IL1RAPL2: variants seen among roughly 807,000 people sequenced by gnomAD.
IL1RAPL2 encodes the protein interleukin 1 receptor accessory protein like 2.
In IL1RAPL2, 3 loss-of-function variants were observed where a neutral mutation model predicts 44.1. The ratio of observed to expected loss-of-function variants is 0.07; its 90% CI spans 0.03 to 0.18. The LOEUF is 0.18. Among genes scored for constraint, IL1RAPL2 ranks in the 10% least tolerant of loss-of-function variants. IL1RAPL2 has a pLI of 1.00. For missense variants in IL1RAPL2, 391 were observed against 496.4 expected (o/e 0.79, Z 2.02); for synonymous variants, 181 against 178.8 (o/e 1.01, Z -0.10).
chrX:105,465,288 AT>A (rs1210082987), intron 5 of IL1RAPL2, among the ~76,000 whole-genome samples: 1 of 111,836 alleles, frequency 8.9e-6, no homozygotes, highest in Non-Finnish European at 1.9e-5. Flanking sequence ...AAAGATATCT[AT>A]GTTTTTCCTC....
intron 2 of IL1RAPL2, among the ~76,000 whole-genome samples, chrX:105,135,447 T>A (rs2033068045): frequency 8.9e-6 from 1 of 112,113 alleles, no homozygotes; most frequent in Non-Finnish European, 1.9e-5. Context: ...ATTCAAGCAT[T>A]TCATTATCCA....
At chrX:104,817,101 G>T (rs1043800652) in intron 2 of IL1RAPL2, among the ~76,000 whole-genome samples, 2 of 112,753 alleles carry the variant, frequency 1.8e-5, no homozygotes, top group African/African-American at 6.4e-5. Context: ...AAAAGTGTAT[G>T]ATCTAATGAA....
At chrX:104,700,343 G>A (rs1931254605) in intron 2 of IL1RAPL2, among the ~76,000 whole-genome samples, 2 of 111,400 alleles carry the variant, frequency 1.8e-5, no homozygotes, top group Admixed American at 1.9e-4. Context: ...ATTTTCAGAG[G>A]ACCTACTTTC....
At chrX:104,922,721 G>A (rs1399639702) in intron 2 of IL1RAPL2, among the ~76,000 whole-genome samples, 1 of 111,278 alleles carries the variant, frequency 9.0e-6, no homozygotes, top group African/African-American at 3.3e-5. Context: ...ACATGAAAAG[G>A]GACCAGTACA....
intron 2 of IL1RAPL2, among the ~76,000 whole-genome samples, chrX:104,701,670 CTAAA>C (rs1931275765): frequency 9.0e-6 from 1 of 111,633 alleles, no homozygotes; most frequent in Admixed American, 9.5e-5. Context: ...GGTCCATTGG[CTAAA>C]TGAATGTGCT....
intron 4 of IL1RAPL2, among the ~76,000 whole-genome samples, chrX:105,263,099 G>C (rs1218406465): frequency 9.1e-6 from 1 of 110,141 alleles, no homozygotes; most frequent in East Asian, 2.9e-4. Context: ...TGATCAGGCT[G>C]GTCTCGAACT....
chrX:105,313,700 C>A (rs2034815277), intron 5 of IL1RAPL2, among the ~76,000 whole-genome samples: 1 of 111,776 alleles, frequency 8.9e-6, no homozygotes, highest in Non-Finnish European at 1.9e-5. Flanking sequence ...GTCTCAATAA[C>A]CTCCTTTTGC....
intron 5 of IL1RAPL2, among the ~76,000 whole-genome samples, chrX:105,369,984 A>G (rs748571970): frequency 8.9e-6 from 1 of 112,140 alleles, no homozygotes; most frequent in Admixed American, 9.5e-5. Context: ...TAAGCAGCTA[A>G]GACTAACATA....
chrX:105,315,609 T>TATATATATA (rs1216258132), intron 5 of IL1RAPL2, among the ~76,000 whole-genome samples: 123 of 69,747 alleles, frequency 1.8e-3, no homozygotes, highest in Non-Finnish European at 2.8e-3. Flanking sequence ...TATGGTTTTA[T>TATATATATA]TAAGTATTAA....
chrX:105,766,799 T>G (rs1477189545), intron 10 of IL1RAPL2, among the ~76,000 whole-genome samples, 165 bp from the exon 11 acceptor site: 1 of 54,533 alleles, frequency 1.8e-5, no homozygotes, highest in Non-Finnish European at 3.0e-5. Context: ...TATAAGCAGT[T>G]TTTTTTTTTT....
At chrX:105,330,303 G>A (rs1311793635) in intron 5 of IL1RAPL2, among the ~76,000 whole-genome samples, 1 of 111,020 alleles carries the variant, frequency 9.0e-6, no homozygotes, top group Non-Finnish European at 1.9e-5. Flanking sequence ...TTTTTAAACT[G>A]CTTTTATGTG....
intron 5 of IL1RAPL2, among the ~76,000 whole-genome samples, chrX:105,419,173 C>A (rs916226845): frequency 8.9e-6 from 1 of 111,827 alleles, no homozygotes; most frequent in African/African-American, 3.2e-5. Flanking sequence ...TGGCCAGCAG[C>A]CACATCTTGA....
chrX:105,252,423 A>G (rs1365466025), intron 4 of IL1RAPL2, among the ~76,000 whole-genome samples: 1 of 111,662 alleles, frequency 9.0e-6, no homozygotes, highest in Non-Finnish European at 1.9e-5. Context: ...CTTTATCAAC[A>G]TGATTTGTTT....
At chrX:105,016,298 C>G (rs1337447035) in intron 2 of IL1RAPL2, among the ~76,000 whole-genome samples, 1 of 111,020 alleles carries the variant, frequency 9.0e-6, no homozygotes, top group African/African-American at 3.3e-5. Flanking sequence ...GATTGAATAC[C>G]CTTTATTTCT....
chrX:105,552,105 C>CAA (rs34788343), intron 6 of IL1RAPL2, among the ~76,000 whole-genome samples: 13 of 67,413 alleles, frequency 1.9e-4, no homozygotes, highest in African/African-American at 5.0e-4. Context: ...GACTCCATTT[C>CAA]AAAAAAAAAA....
At chrX:105,194,751 G>C (rs1473010851) in intron 2 of IL1RAPL2, among the ~76,000 whole-genome samples, 6 of 111,438 alleles carry the variant, frequency 5.4e-5, no homozygotes, top group Non-Finnish European at 7.5e-5. Context: ...ATCACTTTAG[G>C]TGCCTACTAC....
intron 2 of IL1RAPL2, among the ~76,000 whole-genome samples, chrX:104,776,959 C>T (rs1255586768): frequency 9.0e-6 from 1 of 111,605 alleles, no homozygotes; most frequent in Non-Finnish European, 1.9e-5. Context: ...ATTTAACCAT[C>T]GTGTCTATGT....
chrX:105,290,207 C>A, intron 5 of IL1RAPL2, among the ~76,000 whole-genome samples: 1 of 111,491 alleles, frequency 9.0e-6, no homozygotes, highest in South Asian at 3.8e-4. Context: ...GTGTGCCAGG[C>A]ATTGTCCTAG....
chrX:105,032,949 C>T (rs2031539677), intron 2 of IL1RAPL2, among the ~76,000 whole-genome samples: 1 of 111,762 alleles, frequency 8.9e-6, no homozygotes, highest in Admixed American at 9.5e-5. Context: ...GTTAGTTCTT[C>T]TTGTTGAATT....
Sources: gnomAD v4.1 joint callset for allele counts (sites outside exome capture counted in the v4.1 genomes callset) on GRCh38, gnomAD v4.1.1 for gene constraint, MANE v1.5 for transcripts, NCBI Gene and HGNC (gene_info 2026-07-23, HGNC 2026-07-21) for gene names.